SHISA9: variants seen among roughly 807,000 people sequenced by gnomAD.
SHISA9 encodes the protein protein shisa-9.
SHISA9 carries 13 observed loss-of-function variants against 38.0 expected under a neutral mutation model. That is an observed-to-expected ratio of 0.34 (90% confidence interval 0.22 to 0.54). The LOEUF is 0.54. Ranked by LOEUF, SHISA9 falls within the 20% of genes least tolerant of loss-of-function variation. The pLI is 0.91. For missense variants in SHISA9, 538 were observed against 575.8 expected, an observed-to-expected ratio of 0.93 and a Z score of 0.67; for synonymous variants, 275 against 242.0, an observed-to-expected ratio of 1.14 and a Z score of -1.27.
the SHISA9 span, among the ~76,000 whole-genome samples, chr16:13,405,800 G>T: frequency 1.3e-5 from 2 of 152,066 alleles, no homozygotes; most frequent in African/African-American, 4.8e-5. Context: ...CAAAGAACAT[G>T]ATTTTATTCT....
chr16:13,282,521 A>G, the SHISA9 span, among the ~76,000 whole-genome samples: 1 of 152,026 alleles, frequency 6.6e-6, no homozygotes, highest in Non-Finnish European at 1.5e-5. Flanking sequence ...TTACTGTTAT[A>G]TATTTATCAC....
chr16:13,282,468 AG>A, the SHISA9 span, among the ~76,000 whole-genome samples: 4 of 151,860 alleles, frequency 2.6e-5, no homozygotes, highest in African/African-American at 9.7e-5. Context: ...ATAGTTCCTG[AG>A]TGTGGTTATA....
the SHISA9 span, among the ~76,000 whole-genome samples, chr16:13,265,494 T>C: frequency 8.6e-6 from 1 of 115,992 alleles, no homozygotes; most frequent in African/African-American, 3.3e-5. Flanking sequence ...CTTTCCTTCA[T>C]TCCCTTCCCC....
chr16:13,097,222 A>T (rs1302707683), intron 2 of SHISA9, among the ~76,000 whole-genome samples: 3 of 151,992 alleles, frequency 2.0e-5, no homozygotes, highest in African/African-American at 7.3e-5. Flanking sequence ...TTACATTGGG[A>T]GGAATTGAGG....
chr16:13,203,767 TCATC>T (rs2051030986), intron 3 of SHISA9, among the ~76,000 whole-genome samples: 1 of 152,126 alleles, frequency 6.6e-6, no homozygotes. Context: ...ATGCATTCAT[TCATC>T]CATCCACCTA....
chr16:13,502,903 A>G, the SHISA9 span, among the ~76,000 whole-genome samples: 1 of 152,082 alleles, frequency 6.6e-6, no homozygotes, highest in African/African-American at 2.4e-5. Flanking sequence ...AAAAAATAAA[A>G]TAAAATAAAT....
At chr16:13,118,681 A>C (rs1056696795) in intron 2 of SHISA9, among the ~76,000 whole-genome samples, 1 of 151,052 alleles carries the variant, frequency 6.6e-6, no homozygotes, top group African/African-American at 2.4e-5. Flanking sequence ...GCCTTAGTAC[A>C]CTAAAGTCTA....
At chr16:13,495,235 G>A in the SHISA9 span, among the ~76,000 whole-genome samples, 1 of 152,108 alleles carries the variant, frequency 6.6e-6, no homozygotes, top group African/African-American at 2.4e-5. Context: ...GTAAAAATTG[G>A]TGAAAACTGA....
downstream of SHISA9, among the ~76,000 whole-genome samples, chr16:13,245,014 C>G (rs75926039): frequency 0.02 from 3,061 of 152,276 alleles, 41 homozygotes; most frequent in Non-Finnish European, 0.031. Context: ...CTCTGGGGCT[C>G]TAGCAGTCCT....
At chr16:13,107,472 GACACACACACACACACACAC>G (rs34291803) in intron 2 of SHISA9, among the ~76,000 whole-genome samples, 27 of 144,438 alleles carry the variant, frequency 1.9e-4, no homozygotes, top group African/African-American at 6.4e-4. Context: ...AAAAACAACA[GACACACACACACACACACAC>G]ACACACACAC....
chr16:13,513,603 T>G, the SHISA9 span, among the ~76,000 whole-genome samples: 1 of 152,162 alleles, frequency 6.6e-6, no homozygotes, highest in Non-Finnish European at 1.5e-5. Context: ...CCATCAGTGA[T>G]AGACTGGATA....
At chr16:12,998,550 G>A (rs2072486874) in intron 2 of SHISA9, among the ~76,000 whole-genome samples, 1 of 152,026 alleles carries the variant, frequency 6.6e-6, no homozygotes, top group Non-Finnish European at 1.5e-5. Flanking sequence ...TTATTTTTGA[G>A]ACAATGTCTC....
chr16:13,293,312 T>C, the SHISA9 span, among the ~76,000 whole-genome samples: 22 of 152,188 alleles, frequency 1.4e-4, no homozygotes, highest in Admixed American at 6.5e-5. Context: ...GTTTTTTAAG[T>C]GTTTTGAACT....
chr16:13,089,594 T>G (rs276635), intron 2 of SHISA9, among the ~76,000 whole-genome samples: 9,373 of 152,266 alleles, frequency 0.062, 952 homozygotes, highest in African/African-American at 0.21. Flanking sequence ...TGCATAGAGA[T>G]GTTTATAGTA....
chr16:12,968,239 G>A (rs1034563197), intron 2 of SHISA9, among the ~76,000 whole-genome samples: 1 of 138,586 alleles, frequency 7.2e-6, no homozygotes, highest in Non-Finnish European at 1.5e-5. Flanking sequence ...CAGAGCTCAG[G>A]CTACATATAT....
At chr16:13,359,096 G>GTCTAGTTTTAGATTC in the SHISA9 span, among the ~76,000 whole-genome samples, 57 of 151,874 alleles carry the variant, frequency 3.8e-4, no homozygotes, top group Middle Eastern at 3.4e-3. Flanking sequence ...GAAGAAGAAT[G>GTCTAGTTTTAGATTC]TCCAGTTTTA....
chr16:13,469,365 A>AAAAGAAAGAAAGAAAGAAAGAAAG, the SHISA9 span, among the ~76,000 whole-genome samples: 3 of 64,454 alleles, frequency 4.7e-5, no homozygotes, highest in African/African-American at 6.7e-5. Flanking sequence ...AAAGAAAAGA[A>AAAAGAAAGAAAGAAAGAAAGAAAG]AAAGAAAGAA....
the SHISA9 span, among the ~76,000 whole-genome samples, chr16:13,406,898 A>G: frequency 2.0e-5 from 3 of 151,776 alleles, no homozygotes; most frequent in Non-Finnish European, 4.4e-5. Context: ...GAGAAACCCC[A>G]TCTCTACTAA....
At chr16:13,269,770 C>G in the SHISA9 span, among the ~76,000 whole-genome samples, 1 of 152,152 alleles carries the variant, frequency 6.6e-6, no homozygotes, top group Admixed American at 6.5e-5. Context: ...TACAGTAAGG[C>G]TGTAGAGGTA....
Sources: gnomAD v4.1 joint callset for allele counts (sites outside exome capture counted in the v4.1 genomes callset) on GRCh38, gnomAD v4.1.1 for gene constraint, MANE v1.5 for transcripts, NCBI Gene and HGNC (gene_info 2026-07-23, HGNC 2026-07-21) for gene names.